DSCAM: variants seen among roughly 807,000 people sequenced by gnomAD.
The protein encoded by DSCAM is DS cell adhesion molecule.
Under a neutral mutation model 217.7 loss-of-function variants are expected in DSCAM, and 47 were observed. The ratio of observed to expected loss-of-function variants is 0.22; its 90% confidence interval spans 0.17 to 0.28. DSCAM has a LOEUF of 0.28. DSCAM is among the 10% of genes least tolerant of loss of function. The probability of loss-of-function intolerance (pLI) is 1.00; values close to 1 mark genes in which losing one functional copy is unlikely to be tolerated. For synonymous variants in DSCAM, 1,056 were observed against 1,015.3 expected (o/e 1.04, Z -0.76); for missense variants, 2,080 against 2,618.3 (o/e 0.79, Z 4.49).
intron 3 of DSCAM, among the ~76,000 whole-genome samples, chr21:40,396,499 T>TG (rs991428066): frequency 2.6e-5 from 4 of 152,106 alleles, no homozygotes; most frequent in East Asian, 1.9e-4. Flanking sequence ...ATATTTCAGA[T>TG]GGGGGGCAAC....
intron 1 of DSCAM, among the ~76,000 whole-genome samples, chr21:40,812,820 A>G (rs1350394636): frequency 1.3e-5 from 2 of 152,240 alleles, no homozygotes; most frequent in Admixed American, 1.3e-4. Context: ...TACAGAGACT[A>G]GAAAAATAAA....
intron 20 of DSCAM, among the ~76,000 whole-genome samples, chr21:40,111,491 G>T (rs2089898732): frequency 6.6e-6 from 1 of 152,138 alleles, no homozygotes. Flanking sequence ...TCGAGGCTAG[G>T]AAGAAACTGC....
At chr21:40,816,107 T>C (rs2837836) in intron 1 of DSCAM, among the ~76,000 whole-genome samples, 18,285 of 152,188 alleles carry the variant, frequency 0.12, 1,367 homozygotes, top group South Asian at 0.23. Flanking sequence ...AACAGCAAAA[T>C]CAGTTTCTAA....
chr21:40,725,927 C>T (rs1157317946), intron 1 of DSCAM, among the ~76,000 whole-genome samples: 1 of 152,064 alleles, frequency 6.6e-6, no homozygotes, highest in African/African-American at 2.4e-5. Context: ...TACCCTTCTT[C>T]AAAAAGCAAT....
In DSCAM at chr21:40,353,728, G is replaced by A. The variant is rs771366243; in HGVS notation, c.671C>T (p.Ala224Val). The stretch of plus-strand genomic sequence containing the variant: ...GTCAAACCCATCCAGTATGGATGGG[G>A]CTGAGTTCGCTGGGTCTGTAGAAGA... The part of the protein sequence containing the change: ...RLFVSDPANS[A>V]PSILDGFDHR... Residue 224 changes from alanine to valine, a missense_variant, in exon 5 of 33, where the codon GCC becomes GTC. Ala to Val is a moderately conservative substitution (Grantham distance 64). This residue lies in a region of DSCAM where 568 missense variants were observed against 678.1 expected (regional missense o/e 0.84). Transcript: ENST00000400454. 1.9e-6 allele frequency: 3 copies of A among 1,548,458 alleles called. No homozygotes were observed. In the South Asian group the frequency reaches 3.7e-5, roughly 19 times the overall value.
intron 20 of DSCAM, among the ~76,000 whole-genome samples, chr21:40,104,077 T>C (rs1029875848): frequency 3.7e-4 from 56 of 152,252 alleles, no homozygotes; most frequent in African/African-American, 9.9e-4. Context: ...GCATTACAGA[T>C]ACTTATGTTA....
chr21:40,555,950 G>A (rs2076668257), intron 3 of DSCAM, among the ~76,000 whole-genome samples: 1 of 152,128 alleles, frequency 6.6e-6, no homozygotes, highest in Non-Finnish European at 1.5e-5. Flanking sequence ...AACTGAGGTA[G>A]GGGGATTACT....
At chr21:40,438,413 T>C (rs1427632281) in intron 3 of DSCAM, among the ~76,000 whole-genome samples, 1 of 152,144 alleles carries the variant, frequency 6.6e-6, no homozygotes, top group Non-Finnish European at 1.5e-5. Context: ...GATGAATGAA[T>C]GAATGAGTGG....
intron 1 of DSCAM, among the ~76,000 whole-genome samples, chr21:40,823,799 C>G (rs1384249899): frequency 6.6e-6 from 1 of 152,176 alleles, no homozygotes; most frequent in East Asian, 1.9e-4. Flanking sequence ...GATGTGCCCT[C>G]TGATCCATAC....
chr21:40,405,180 C>T lies in DSCAM; in HGVS notation c.509-35935G>A, dbSNP rs146761889. Among the ~76,000 whole-genome samples, 56 of 152,232 alleles carry T rather than the reference C, an allele frequency of 3.7e-4. No individual in the cohort carries two copies. The South Asian group carries it at 6.6e-3, about 18-fold the overall frequency. ...ATAATAATTTTCATACTGAGTGATG[C>T]TTATGTTCTGAAAGCACTGAGCAGA... On this transcript the variant is annotated intron_variant, in intron 3 of 32. Coordinates refer to ENST00000400454, the MANE Select transcript of DSCAM (RefSeq NM_001389.5).
chr21:40,418,205 G>A (rs899361258), intron 3 of DSCAM, among the ~76,000 whole-genome samples: 23 of 152,222 alleles, frequency 1.5e-4, no homozygotes, highest in African/African-American at 5.3e-4. Context: ...ATTGTGTTTG[G>A]CAGGAGATTT....
rs961530098 is a variant in DSCAM, at chr21:40,144,388, A to G, written c.3259+103T>C. 1.3e-6 allele frequency: 2 copies of G among 1,537,554 alleles called. No individual in the cohort carries two copies. The highest frequency in any genetic ancestry group is 1.8e-6 in the Non-Finnish European group (2 of 1,137,094). ...GACCCCAGGCCCTGCAGGTCACTGC[A>G]AAGTCGTGGGGCGGGGGAGTGCGAG... On this transcript the variant is annotated intron_variant, in intron 17 of 32. Transcript: ENST00000400454. The surrounding 1 kb of genome is among the most constrained non-coding windows in gnomAD (Gnocchi z 4.8).
At chr21:40,520,643 T>C (rs569495074) in intron 3 of DSCAM, among the ~76,000 whole-genome samples, 7 of 151,544 alleles carry the variant, frequency 4.6e-5, no homozygotes, top group Non-Finnish European at 5.9e-5. Flanking sequence ...CCCATCTCTA[T>C]TAAAAATAAA....
chr21:40,476,312 C>T (rs1005858747), intron 3 of DSCAM, among the ~76,000 whole-genome samples: 25 of 152,162 alleles, frequency 1.6e-4, no homozygotes, highest in African/African-American at 4.3e-4. Context: ...ATCATGGATA[C>T]GACTTGGACC....
chr21:40,646,369 C>T (rs2089946394), intron 3 of DSCAM, among the ~76,000 whole-genome samples: 1 of 121,602 alleles, frequency 8.2e-6, no homozygotes, highest in Non-Finnish European at 1.8e-5. Flanking sequence ...TGAGAGCTTG[C>T]CATTGCACTC....
intron 19 of DSCAM, among the ~76,000 whole-genome samples, chr21:40,126,175 G>A (rs1384160708): frequency 6.6e-6 from 1 of 151,304 alleles, no homozygotes; most frequent in Non-Finnish European, 1.5e-5. Flanking sequence ...TTAGAGGTAA[G>A]TTAGAAAAGA....
At chr21:40,697,876 T>C (rs913776684) in intron 2 of DSCAM, among the ~76,000 whole-genome samples, 2 of 152,202 alleles carry the variant, frequency 1.3e-5, no homozygotes, top group African/African-American at 4.8e-5. Flanking sequence ...CTGTGAAGAA[T>C]GTCATTGGTA....
chr21:40,140,652 A>G lies in DSCAM; in HGVS notation c.3406+1906T>C, dbSNP rs962315471. Reference sequence around the variant, plus strand: ...TGATATCCTATGGTATTTTGTCCATAAAAATAGATGACTTTTGCAAATTTT... The same window carrying G: ...TGATATCCTATGGTATTTTGTCCATGAAAATAGATGACTTTTGCAAATTTT... On this transcript the variant is annotated intron_variant, in intron 18 of 32. Coordinates refer to ENST00000400454, the MANE Select transcript of DSCAM (RefSeq NM_001389.5). 3.9e-5 allele frequency among the ~76,000 whole-genome samples: 6 copies of G among 152,258 alleles called. No individual in the cohort carries two copies. In the East Asian group the frequency reaches 1.2e-3, roughly 29 times the overall value.
intron 11 of DSCAM, among the ~76,000 whole-genome samples, chr21:40,256,584 G>T (rs994017992): frequency 1.3e-5 from 2 of 151,418 alleles, no homozygotes; most frequent in Non-Finnish European, 2.9e-5. Context: ...GTGCAGCTTG[G>T]GTCCGAAGGA....
Sources: allele counts gnomAD v4.1 joint callset (sites outside exome capture counted in the v4.1 genomes callset), GRCh38; gene constraint gnomAD v4.1.1; regional missense constraint gnomAD v4.1.1; non-coding constraint Gnocchi (gnomAD v3.1); transcripts MANE v1.5; gene names NCBI Gene and HGNC (gene_info 2026-07-23, HGNC 2026-07-21).